TOP2B: variants seen among roughly 807,000 people sequenced by gnomAD.
TOP2B encodes the protein DNA topoisomerase II beta.
Under a neutral mutation model 193.5 loss-of-function variants are expected in TOP2B, and 51 were observed. The ratio of observed to expected loss-of-function variants is 0.26; its 90% CI spans 0.21 to 0.33. The LOEUF is 0.33. TOP2B is among the 10% of genes least tolerant of loss of function. The pLI, the probability that TOP2B is intolerant of heterozygous loss-of-function variation, is 1.00. For synonymous variants in TOP2B, 634 were observed against 635.7 expected, an observed-to-expected ratio of 1.00 and a Z score of 0.04; for missense variants, 1,378 against 1,909.3, an observed-to-expected ratio of 0.72 and a Z score of 5.19.
chr3:25,637,454 T>C (rs1703136305), intron 5 of TOP2B, 142 bp from the exon 6 acceptor site: 3 of 609,640 alleles, frequency 4.9e-6, no homozygotes, highest in East Asian at 5.6e-5. Flanking sequence ...CCAGAGTATA[T>C]TTAGATTTTC....
Position 25,638,323 on chromosome 3 carries a change from A to ATT in TOP2B, c.396-14_396-13insAA, listed in dbSNP as rs1703163548. ...AATGTTAGATTCACTGTAAAAAAAAAAAAAAAAAAAAAAAAAAAAAAAAAA... is the reference window on the plus strand; with the variant it reads ...AATGTTAGATTCACTGTAAAAAAAAATTAAAAAAAAAAAAAAAAAAAAAAAAA... On this transcript the variant is annotated splice_polypyrimidine_tract_variant and intron_variant, in intron 4 of 35. Coordinates refer to ENST00000264331, the MANE Select transcript of TOP2B (RefSeq NM_001330700.2). 7.5e-6 allele frequency: 8 copies of ATT among 1,061,006 alleles called. No individual in the cohort carries two copies. The African/African-American group carries it at 2.9e-4, about 38-fold the overall frequency. The allele number at this position is 1,061,006 out of a possible 1,614,324, so 65.7% of individuals were successfully genotyped here. A position where few individuals can be genotyped will look rare whatever the true frequency, so the allele number is the denominator to read the frequency against.
At chr3:25,634,113 C>T (rs1053163737) in intron 7 of TOP2B, 99 bp from the exon 8 acceptor site, 3 of 904,802 alleles carry the variant, frequency 3.3e-6, no homozygotes, top group East Asian at 2.7e-5. Flanking sequence ...CTCTCACTTA[C>T]AACAGTTCTA....
intron 15 of TOP2B, 91 bp from the exon 16 acceptor site, chr3:25,627,387 T>TG (rs1343637536): frequency 1.2e-5 from 9 of 741,676 alleles, no homozygotes; most frequent in Non-Finnish European, 2.0e-5. Flanking sequence ...TTGTAATAGA[T>TG]GGATCAAGCT....
chr3:25,606,027 G>C lies in TOP2B; in HGVS notation c.4378+16C>G, dbSNP rs530703840. 13 of 1,391,524 alleles carry C rather than the reference G, an allele frequency of 9.3e-6. No homozygotes were observed. The African/African-American group carries it at 1.7e-4, about 19-fold the overall frequency. The allele number at this position is 1,391,524 out of a possible 1,614,324, so 86.2% of individuals were successfully genotyped here. A position where few individuals can be genotyped will look rare whatever the true frequency, so the allele number is the denominator to read the frequency against. ...GCAATAATACAATAACCAATGAAAA[G>C]ACTAAATGAACATACCATCTTCTGA... On this transcript the variant is annotated intron_variant, in intron 32 of 35. Transcript: ENST00000264331.
intron 24 of TOP2B, 71 bp from the exon 25 acceptor site, chr3:25,618,580 T>TA (rs2125362324): frequency 6.5e-7 from 1 of 1,530,574 alleles, no homozygotes; most frequent in African/African-American, 1.4e-5. Flanking sequence ...ATTCTACTGA[T>TA]AAAAATGTCT....
chr3:25,624,621 T>G, intron 19 of TOP2B, 61 bp downstream of exon 19: 2 of 1,596,378 alleles, frequency 1.3e-6, no homozygotes, highest in Non-Finnish European at 1.7e-6. Flanking sequence ...ATACTATGTG[T>G]AATTATCATT....
Position 25,645,409 on chromosome 3 carries a change from T to G in TOP2B, c.131A>C (p.Asp44Ala), listed in dbSNP as rs753885014. Reference protein sequence around the residue: ...KEESETANKNDSSKKLSVERV... With the variant: ...KEESETANKNASSKKLSVERV... The stretch of plus-strand genomic sequence containing the variant: ...CTCAACAGACAACTTCTTTGAAGAA[T>G]CATTTTTGTTGGCAGTTTCTGACTC... The change falls in exon 2 of 36, where the codon GAT becomes GCT. Residue 44 changes from aspartate to alanine, a missense_variant. Transcript: ENST00000264331. 4 of 1,613,756 alleles carry G rather than the reference T, an allele frequency of 2.5e-6. No homozygotes were observed. The highest frequency in any genetic ancestry group is 3.4e-6 in the Non-Finnish European group (4 of 1,179,830).
Position 25,664,402 on chromosome 3 carries a change from A to G in TOP2B, c.-105T>C, listed in dbSNP as rs1007894388. The stretch of plus-strand genomic sequence containing the variant: ...CCGCACCCACCGCTCCACTCGCCGC[A>G]CTCCTAGCCGCGCCGACCCCCGCGC... On this transcript the variant is annotated 5_prime_UTR_variant, in exon 1 of 36. Transcript: ENST00000264331. 3.8e-6 allele frequency: 5 copies of G among 1,308,530 alleles called. No homozygotes were observed. The African/African-American group carries it at 7.9e-5, about 21-fold the overall frequency. The allele number at this position is 1,308,530 out of a possible 1,614,324, so 81.1% of individuals were successfully genotyped here. A position where few individuals can be genotyped will look rare whatever the true frequency, so the allele number is the denominator to read the frequency against.
intron 1 of TOP2B, among the ~76,000 whole-genome samples, chr3:25,663,802 T>TACACACAC (rs113174892): frequency 9.2e-5 from 14 of 151,442 alleles, no homozygotes; most frequent in African/African-American, 3.4e-4. Context: ...GCATTTAGAA[T>TACACACAC]ACACACACAC....
chr3:25,624,742 T>G lies in TOP2B; in HGVS notation c.2286A>C (p.Glu762Asp). Residue 762 changes from glutamate to aspartate, a missense_variant, in exon 19 of 36, where the codon GAA (glutamate) becomes GAC (aspartate). Coordinates refer to ENST00000264331, the MANE Select transcript of TOP2B (RefSeq NM_001330700.2). Reference protein sequence around the residue: ...FTCFKRNDKREVKVAQLAGSV... With the variant: ...FTCFKRNDKRDVKVAQLAGSV... ...AGCCAGCCAACTGGGCAACTTTTAC[T>G]TCACGTTTATCATTCCTCTTGAAAC... 1 of 1,613,828 alleles carries G rather than the reference T, an allele frequency of 6.2e-7. No individual in the cohort carries two copies. Among genetic ancestry groups the G allele is most frequent in the Non-Finnish European group, 8.5e-7 (1 of 1,179,784 alleles).
chr3:25,615,703 C>T (rs1005213709), intron 25 of TOP2B, 117 bp from the exon 26 acceptor site: 2 of 902,874 alleles, frequency 2.2e-6, no homozygotes, highest in African/African-American at 3.5e-5. Flanking sequence ...GCTACATCTT[C>T]AGGATGGTGG....
At chr3:25,651,305 T>A (rs1229704647) in intron 1 of TOP2B, among the ~76,000 whole-genome samples, 1 of 151,882 alleles carries the variant, frequency 6.6e-6, no homozygotes, top group Non-Finnish European at 1.5e-5. Flanking sequence ...AAGGAAGAGT[T>A]TTCATATGGC....
At chr3:25,645,618 GAC>G in intron 1 of TOP2B, 148 bp from the exon 2 acceptor site, 1 of 632,986 alleles carries the variant, frequency 1.6e-6, no homozygotes, top group Non-Finnish European at 2.5e-6. Flanking sequence ...TCTATTTACT[GAC>G]CGTCTGGCTC....
intron 3 of TOP2B, 75 bp downstream of exon 3, chr3:25,643,619 G>T: frequency 8.9e-7 from 1 of 1,118,290 alleles, no homozygotes; most frequent in Non-Finnish European, 1.3e-6. Context: ...TACTGGTTAA[G>T]TCTGGCTTTA....
In TOP2B at chr3:25,664,218, C is replaced by T. The variant is rs989229903; in HGVS notation, c.69+11G>A. 4 of 1,539,654 alleles carry T rather than the reference C, an allele frequency of 2.6e-6. No individual in the cohort carries two copies. In the African/African-American group the frequency reaches 5.5e-5, roughly 21 times the overall value. ...CAATGCAGCCGCCCGTCCCGGGGAC[C>T]AGCCACTTACCACCCAGGTCAGTGC... is the stretch of plus-strand genomic sequence containing the variant. On this transcript the variant is annotated intron_variant, in intron 1 of 35. Coordinates refer to ENST00000264331, the MANE Select transcript of TOP2B (RefSeq NM_001330700.2).
intron 21 of TOP2B, among the ~76,000 whole-genome samples, chr3:25,622,635 G>T (rs1271011451): frequency 6.6e-6 from 1 of 150,818 alleles, no homozygotes; most frequent in Non-Finnish European, 1.5e-5. Flanking sequence ...AAAAAAAAAT[G>T]GGGATTTTTT....
At chr3:25,627,844 CG>C (rs1183464172) in intron 15 of TOP2B, among the ~76,000 whole-genome samples, 2 of 150,562 alleles carry the variant, frequency 1.3e-5, no homozygotes, top group East Asian at 4.0e-4. Flanking sequence ...CTGAGGTGGG[CG>C]GATCACTTAA....
chr3:25,645,251 A>T (rs1378585053), intron 2 of TOP2B, 49 bp downstream of exon 2: 1 of 1,423,988 alleles, frequency 7.0e-7, no homozygotes, highest in South Asian at 1.6e-5. Flanking sequence ...ATTAAAAAGT[A>T]AATATAGATG....
intron 1 of TOP2B, among the ~76,000 whole-genome samples, chr3:25,647,751 G>T (rs892833743): frequency 6.6e-6 from 1 of 151,990 alleles, no homozygotes; most frequent in African/African-American, 2.4e-5. Context: ...ACAAAAAAAA[G>T]TTTGAAAGCT....
Sources: gnomAD v4.1 joint callset for allele counts (sites outside exome capture counted in the v4.1 genomes callset) on GRCh38, gnomAD v4.1.1 for gene constraint, MANE v1.5 for transcripts, NCBI Gene and HGNC (gene_info 2026-07-23, HGNC 2026-07-21) for gene names.